Variants in FAM227B observed in about 807,000 individuals in gnomAD.
FAM227B encodes protein FAM227B.
Under a neutral mutation model 73.8 loss-of-function variants are expected in FAM227B, and 88 were observed. The observed-to-expected ratio is 1.19, with a 90% CI of 1.00 to 1.42. The LOEUF is 1.42. FAM227B is among the 40% of genes most tolerant of loss of function. The pLI is 0.00. For missense variants in FAM227B, 632 were observed against 590.9 expected (o/e 1.07, Z -0.72); for synonymous variants, 210 against 190.5 (o/e 1.10, Z -0.84).
intron 11 of FAM227B, among the ~76,000 whole-genome samples, chr15:49,482,892 C>T (rs2056075658): frequency 6.6e-6 from 1 of 151,908 alleles, no homozygotes; most frequent in South Asian, 2.1e-4. Context: ...AAAAGCTGAA[C>T]TCAAATATGT....
chr15:49,576,092 AG>A (rs1458005965), intron 7 of FAM227B: 1 of 152,240 alleles, frequency 6.6e-6, no homozygotes, highest in East Asian at 1.9e-4. Flanking sequence ...TCTTTTTCAT[AG>A]GCCACTAAGT....
chr15:49,397,995 C>A (rs1421217710), intron 11 of FAM227B, among the ~76,000 whole-genome samples: 1 of 152,162 alleles, frequency 6.6e-6, no homozygotes, highest in Admixed American at 6.5e-5. Context: ...TCACACATAA[C>A]AACATTAACT....
At chr15:49,502,675 A>C (rs895721927) in intron 11 of FAM227B, among the ~76,000 whole-genome samples, 6 of 152,236 alleles carry the variant, frequency 3.9e-5, no homozygotes, top group African/African-American at 1.2e-4. Context: ...GAATGAGTTA[A>C]GATTTTCGGG....
At chr15:49,336,454 A>C (rs1214884935) in intron 13 of FAM227B, among the ~76,000 whole-genome samples, 2 of 152,204 alleles carry the variant, frequency 1.3e-5, no homozygotes, top group Non-Finnish European at 2.9e-5. Flanking sequence ...TCAGTGTTAC[A>C]CTAGGAGCTC....
Position 49,438,474 on chromosome 15 carries a change from G to C in FAM227B, c.1013-67075C>G, listed in dbSNP as rs181670171. On this transcript the variant is annotated intron_variant, in intron 11 of 15. Coordinates refer to ENST00000299338, the MANE Select transcript of FAM227B (RefSeq NM_152647.3). ...AGATTGTCAATTGCAGAAGAGAAAA[G>C]GGAGAAAAGTAGGCTAGAAAATTCA... Among the ~76,000 whole-genome samples, 19 of 151,810 alleles carry C rather than the reference G, an allele frequency of 1.3e-4. No homozygotes were observed. In the East Asian group the frequency reaches 1.6e-3, roughly 12 times the overall value.
intron 9 of FAM227B, among the ~76,000 whole-genome samples, chr15:49,545,048 T>A (rs977649034): frequency 6.6e-6 from 1 of 152,218 alleles, no homozygotes; most frequent in Non-Finnish European, 1.5e-5. Context: ...TCTTTCACCA[T>A]CTTGTGGAAT....
intron 12 of FAM227B, among the ~76,000 whole-genome samples, chr15:49,369,347 C>A (rs943321405): frequency 1.3e-5 from 2 of 152,096 alleles, no homozygotes; most frequent in Admixed American, 6.5e-5. Context: ...TGAGCAGAAA[C>A]CCTAATGTTT....
chr15:49,610,572 T>G (rs2077838521), intron 3 of FAM227B, among the ~76,000 whole-genome samples: 1 of 152,114 alleles, frequency 6.6e-6, no homozygotes, highest in South Asian at 2.1e-4. Flanking sequence ...ATTATTTATA[T>G]TCCAATCCAC....
At chr15:49,396,132 G>T (rs572736364) in intron 11 of FAM227B, 44 of 384,818 alleles carry the variant, frequency 1.1e-4, no homozygotes, top group South Asian at 1.7e-4. Context: ...CAGGTCAGTG[G>T]GTGTGCTCAC....
intron 4 of FAM227B, among the ~76,000 whole-genome samples, chr15:49,588,830 TTAAA>T (rs2076353157): frequency 6.6e-6 from 1 of 150,964 alleles, no homozygotes; most frequent in Non-Finnish European, 1.5e-5. Context: ...AATTTACAGT[TTAAA>T]TATGAAAATT....
intron 2 of FAM227B, among the ~76,000 whole-genome samples, chr15:49,614,379 G>A (rs953157979): frequency 6.6e-6 from 1 of 152,160 alleles, no homozygotes; most frequent in African/African-American, 2.4e-5. Flanking sequence ...CAGGAGGCAG[G>A]ACCAGTTAAA....
Position 49,328,546 on chromosome 15 carries a change from T to G in FAM227B, c.*22A>C. ...CTGAATTGTATGCATTATTCTTGAA[T>G]AGAGTTCATTTCTGGTTTCTCTTAG... On this transcript the variant is annotated 3_prime_UTR_variant, in exon 16 of 16. Coordinates refer to ENST00000299338, the MANE Select transcript of FAM227B (RefSeq NM_152647.3). 1 of 1,607,302 alleles carries G rather than the reference T, an allele frequency of 6.2e-7. No individual in the cohort carries two copies. Among genetic ancestry groups the G allele is most frequent in the Non-Finnish European group, 8.5e-7 (1 of 1,175,788 alleles).
chr15:49,450,465 C>T (rs1023989589), intron 11 of FAM227B, among the ~76,000 whole-genome samples: 1 of 152,060 alleles, frequency 6.6e-6, no homozygotes. Context: ...TCTTAGCCAG[C>T]TACACCATTA....
At chr15:49,473,617 C>T (rs190770655) in intron 11 of FAM227B, among the ~76,000 whole-genome samples, 220 of 151,924 alleles carry the variant, frequency 1.4e-3, no homozygotes, top group African/African-American at 5.2e-3. Context: ...GACTCTCTAC[C>T]CCAGCAATAT....
chr15:49,485,617 C>T (rs913369424), intron 11 of FAM227B: 16 of 152,416 alleles, frequency 1.0e-4, no homozygotes, highest in Non-Finnish European at 2.1e-4. Flanking sequence ...CCAGCAAATC[C>T]TGGAAGGCAG....
intron 1 of FAM227B, among the ~76,000 whole-genome samples, chr15:49,618,252 T>C (rs1232451387): frequency 6.6e-6 from 1 of 152,032 alleles, no homozygotes; most frequent in Non-Finnish European, 1.5e-5. Flanking sequence ...TAAAAAGGGA[T>C]TAAACAAAGA....
Position 49,401,956 on chromosome 15 carries a change from C to G in FAM227B, c.1013-30557G>C, listed in dbSNP as rs2048186874. On this transcript the variant is annotated intron_variant, in intron 11 of 15. Transcript: ENST00000299338. ...GCATGGCACATGTATACATATGTAA[C>G]TAACCTGCACAATGTGCACATGTAC... is the stretch of plus-strand genomic sequence containing the variant. 2.7e-5 allele frequency among the ~76,000 whole-genome samples: 4 copies of G among 149,986 alleles called. 1 individual carries two copies. The highest frequency in any genetic ancestry group is 4.3e-4 in the South Asian group (2 of 4,686).
At chr15:49,365,727 G>C (rs913121619) in intron 13 of FAM227B, 115 of 891,096 alleles carry the variant, frequency 1.3e-4, no homozygotes, top group Non-Finnish European at 1.2e-4. Context: ...CAATCTCCAA[G>C]ATATCTTGTA....
intron 11 of FAM227B, among the ~76,000 whole-genome samples, chr15:49,489,598 A>G (rs2056707028): frequency 6.6e-6 from 1 of 150,876 alleles, no homozygotes; most frequent in Non-Finnish European, 1.5e-5. Context: ...CATAGATGCC[A>G]GCTGGAATTC....
Sources: allele counts gnomAD v4.1 joint callset (sites outside exome capture counted in the v4.1 genomes callset), GRCh38; gene constraint gnomAD v4.1.1; transcripts MANE v1.5; gene names NCBI Gene and HGNC (gene_info 2026-07-23, HGNC 2026-07-21).